The following VAV3 variants were observed in gnomAD, a reference collection of about 807,000 sequenced individuals.
VAV3 encodes guanine nucleotide exchange factor VAV3.
In VAV3, 94 loss-of-function variants were observed where a neutral mutation model predicts 131.2. The observed-to-expected ratio is 0.72, with a 90% CI of 0.61 to 0.85. VAV3 has a LOEUF of 0.85. Ranked by LOEUF, VAV3 falls within the 40% of genes least tolerant of loss-of-function variation. VAV3 has a pLI of 0.00. For missense variants in VAV3, 939 were observed against 1,002.7 expected (o/e 0.94, Z 0.86); for synonymous variants, 349 against 342.0 (o/e 1.02, Z -0.22).
At chr1:107,699,579 T>A (rs1006889730) in intron 17 of VAV3, among the ~76,000 whole-genome samples, 28 of 152,198 alleles carry the variant, frequency 1.8e-4, no homozygotes, top group African/African-American at 6.8e-4. Context: ...GGACTCTGTG[T>A]GGGAGCTCCA....
At chr1:107,589,388 G>A (rs2769667) in intron 25 of VAV3, among the ~76,000 whole-genome samples, 1 of 152,198 alleles carries the variant, frequency 6.6e-6, no homozygotes, top group Non-Finnish European at 1.5e-5. Context: ...AGAAGGTGAC[G>A]TGAAGACCAG....
chr1:107,600,810 A>C (rs895491724), intron 24 of VAV3, among the ~76,000 whole-genome samples: 1 of 152,176 alleles, frequency 6.6e-6, no homozygotes, highest in Non-Finnish European at 1.5e-5. Context: ...ACAAAGCTAA[A>C]TTCATTGGCC....
At chr1:107,738,528 A>G (rs1270318938) in intron 15 of VAV3, among the ~76,000 whole-genome samples, 1 of 152,188 alleles carries the variant, frequency 6.6e-6, no homozygotes, top group Non-Finnish European at 1.5e-5. Context: ...CTTCCTTGCC[A>G]TCTCCCCAAC....
intron 2 of VAV3, among the ~76,000 whole-genome samples, chr1:107,824,140 G>T (rs1667912085): frequency 6.6e-6 from 1 of 152,094 alleles, no homozygotes. Context: ...AAGTGTCCCA[G>T]TATACAGAAT....
intron 2 of VAV3, among the ~76,000 whole-genome samples, chr1:107,807,507 C>A (rs1667113470): frequency 6.6e-6 from 1 of 152,212 alleles, no homozygotes; most frequent in African/African-American, 2.4e-5. Context: ...TCAAGGGGAA[C>A]AAGCCAGAAA....
At chr1:107,832,031 C>G (rs1056434024) in intron 2 of VAV3, among the ~76,000 whole-genome samples, 2 of 150,020 alleles carry the variant, frequency 1.3e-5, no homozygotes, top group South Asian at 4.3e-4. Context: ...CTTAAAACAA[C>G]AAGATGAGCA....
chr1:107,953,922 C>A (rs560286186), intron 1 of VAV3, among the ~76,000 whole-genome samples: 1 of 152,246 alleles, frequency 6.6e-6, no homozygotes, highest in East Asian at 1.9e-4. Flanking sequence ...GTTAAGCAAG[C>A]AACTCAAAAA....
intron 1 of VAV3, among the ~76,000 whole-genome samples, chr1:107,890,954 T>C (rs920358621): frequency 6.6e-6 from 1 of 152,170 alleles, no homozygotes; most frequent in Non-Finnish European, 1.5e-5. Flanking sequence ...AGATGTGGTG[T>C]AGGGTTTTAT....
At chr1:107,914,058 G>T (rs564743118) in intron 1 of VAV3, among the ~76,000 whole-genome samples, 1 of 152,266 alleles carries the variant, frequency 6.6e-6, no homozygotes, top group East Asian at 1.9e-4. Context: ...GCCTCCCAAA[G>T]TGCACAAATT....
At chr1:107,661,750 G>A (rs973525989) in intron 19 of VAV3, among the ~76,000 whole-genome samples, 47 of 152,152 alleles carry the variant, frequency 3.1e-4, no homozygotes, top group African/African-American at 9.9e-4. Flanking sequence ...ATGACAATAT[G>A]GGGCCATTCT....
chr1:107,707,973 A>G (rs938913337), intron 15 of VAV3, among the ~76,000 whole-genome samples: 2 of 152,254 alleles, frequency 1.3e-5, no homozygotes, highest in Non-Finnish European at 2.9e-5. Flanking sequence ...GGCTCTTCAT[A>G]TACTTTTTCA....
intron 1 of VAV3, among the ~76,000 whole-genome samples, chr1:107,943,785 G>A (rs1299503945): frequency 6.6e-6 from 1 of 152,208 alleles, no homozygotes; most frequent in Non-Finnish European, 1.5e-5. Context: ...TTTACAGTTT[G>A]AAGTCGTGGC....
At chr1:107,729,004 TCA>T (rs1405516648) in intron 15 of VAV3, among the ~76,000 whole-genome samples, 4 of 152,204 alleles carry the variant, frequency 2.6e-5, no homozygotes, top group Admixed American at 6.5e-5. Flanking sequence ...GTTTTTTTTC[TCA>T]GTCTGAAAGA....
chr1:107,859,253 T>A (rs1380878090), intron 2 of VAV3, among the ~76,000 whole-genome samples: 1 of 152,082 alleles, frequency 6.6e-6, no homozygotes, highest in Non-Finnish European at 1.5e-5. Context: ...TTATTTTTTG[T>A]AGAGATGAAA....
chr1:107,798,636 G>C, intron 2 of VAV3, among the ~76,000 whole-genome samples: 1 of 148,820 alleles, frequency 6.7e-6, no homozygotes, highest in Non-Finnish European at 1.5e-5. Flanking sequence ...GGAGAATGGC[G>C]TGAACCCAGG....
At position 107,814,757 on chromosome 1, in the gene VAV3, G is replaced by A. The variant is rs553430145; in HGVS notation, c.322-35265C>T. 4.6e-5 allele frequency among the ~76,000 whole-genome samples: 7 copies of A among 152,270 alleles called. No homozygotes were observed. The South Asian group carries it at 1.5e-3, about 32-fold the overall frequency. Reference sequence around the variant, plus strand: ...CATAATAATTTTGAGCAATGCAGAGGTATGATGAAAACAGTGCTTATGGAA... The same window carrying A: ...CATAATAATTTTGAGCAATGCAGAGATATGATGAAAACAGTGCTTATGGAA... On this transcript the variant is annotated intron_variant, in intron 2 of 26. Transcript: ENST00000370056.
chr1:107,945,539 C>T (rs1488514150), intron 1 of VAV3, among the ~76,000 whole-genome samples: 1 of 151,964 alleles, frequency 6.6e-6, no homozygotes, highest in African/African-American at 2.4e-5. Context: ...AAAAATCAGT[C>T]ACGTCCAGGC....
At chr1:107,826,925 TCA>T (rs892483656) in intron 2 of VAV3, among the ~76,000 whole-genome samples, 3 of 152,162 alleles carry the variant, frequency 2.0e-5, no homozygotes, top group Non-Finnish European at 2.9e-5. Context: ...ATCACTTGTT[TCA>T]GTTTTTTATA....
chr1:107,713,304 G>C (rs1426656240), intron 15 of VAV3, among the ~76,000 whole-genome samples: 4 of 151,882 alleles, frequency 2.6e-5, no homozygotes, highest in African/African-American at 9.7e-5. Flanking sequence ...GGAAATGAAA[G>C]CAAACAAAAG....
Sources: gnomAD v4.1 joint callset for allele counts (sites outside exome capture counted in the v4.1 genomes callset) on GRCh38, gnomAD v4.1.1 for gene constraint, MANE v1.5 for transcripts, NCBI Gene and HGNC (gene_info 2026-07-23, HGNC 2026-07-21) for gene names.